Variants in ASB1 observed in about 807,000 individuals in gnomAD.
The protein encoded by ASB1 is ankyrin repeat and SOCS box protein 1.
Under a neutral mutation model 27.7 loss-of-function variants are expected in ASB1, and 18 were observed. The ratio of observed to expected loss-of-function variants is 0.65; its 90% CI spans 0.45 to 0.96. The LOEUF (loss-of-function observed/expected upper bound fraction) is 0.96. Among genes scored for constraint, ASB1 ranks in the 50% least tolerant of loss-of-function variants. The probability of loss-of-function intolerance (pLI) is 0.00; values close to 1 mark genes in which losing one functional copy is unlikely to be tolerated. For synonymous variants in ASB1, 189 were observed against 187.6 expected, an observed-to-expected ratio of 1.01 and a Z score of -0.06; for missense variants, 397 against 451.7, an observed-to-expected ratio of 0.88 and a Z score of 1.10.
At position 238,450,270 on chromosome 2, in the gene ASB1, T is replaced by C. The variant is rs906194038; in HGVS notation, c.*3759T>C. 2 of 152,354 alleles carry C rather than the reference T, an allele frequency of 1.3e-5. No individual in the cohort carries two copies. Among genetic ancestry groups the C allele is most frequent in the East Asian group, 1.9e-4 (1 of 5,182 alleles). The allele number at this position is 152,354 out of a possible 1,614,324, so 9.4% of individuals were successfully genotyped here. On this transcript the variant is annotated 3_prime_UTR_variant, in exon 5 of 5. Coordinates refer to ENST00000264607, the MANE Select transcript of ASB1 (RefSeq NM_001040445.3). ...GAGCGCTCTATGCAGGTGAGGCGTATGAGAACAGCATGGTAAATAATTGAT... is the reference window on the plus strand; with the variant it reads ...GAGCGCTCTATGCAGGTGAGGCGTACGAGAACAGCATGGTAAATAATTGAT...
chr2:238,446,613 G>A lies in ASB1; in HGVS notation c.*102G>A. 6.8e-7 allele frequency: 1 copy of A among 1,460,634 alleles called. No homozygotes were observed. Among genetic ancestry groups the A allele is most frequent in the Non-Finnish European group, 9.5e-7 (1 of 1,055,226 alleles). The allele number at this position is 1,460,634 out of a possible 1,614,324, so 90.5% of individuals were successfully genotyped here. ...TGCTGCTGCTGGTCTCCTGATGGCT[G>A]TTGCTGCAGAAGATGTCCTCGTAGA... On this transcript the variant is annotated 3_prime_UTR_variant, in exon 5 of 5. Coordinates refer to ENST00000264607, the MANE Select transcript of ASB1 (RefSeq NM_001040445.3).
intron 4 of ASB1, 76 bp from the exon 5 acceptor site, chr2:238,446,308 C>T (rs1702178983): frequency 6.7e-7 from 1 of 1,493,450 alleles, no homozygotes; most frequent in African/African-American, 1.4e-5. Context: ...GCTGGCAGTC[C>T]CAGCTGCCTT....
chr2:238,429,646 A>G (rs2106401413), intron 1 of ASB1, among the ~76,000 whole-genome samples: 1 of 152,264 alleles, frequency 6.6e-6, no homozygotes, highest in Admixed American at 6.5e-5. Context: ...TTAAGAGTGT[A>G]ATAGGCCAGG....
chr2:238,434,171 T>G (rs1224421253), intron 2 of ASB1, among the ~76,000 whole-genome samples: 6 of 152,188 alleles, frequency 3.9e-5, no homozygotes, highest in Non-Finnish European at 8.8e-5. Flanking sequence ...CCCTTTTACC[T>G]CATCAGCCTT....
chr2:238,439,200 C>T (rs1362172064), intron 3 of ASB1, among the ~76,000 whole-genome samples: 1 of 152,106 alleles, frequency 6.6e-6, no homozygotes, highest in Non-Finnish European at 1.5e-5. Context: ...AGAATACTTC[C>T]CCTGTCACTC....
intron 3 of ASB1, among the ~76,000 whole-genome samples, chr2:238,438,387 A>T (rs1702014132): frequency 1.3e-5 from 2 of 151,568 alleles, no homozygotes; most frequent in South Asian, 4.2e-4. Context: ...TTTTTAGTTG[A>T]GACAGGGTTT....
Position 238,427,042 on chromosome 2 carries a change from C to G in ASB1, c.-29C>G. The G allele has an allele frequency of 2.4e-6, 3 of 1,257,102 alleles. No individual in the cohort carries two copies. Among genetic ancestry groups the G allele is most frequent in the Admixed American group, 4.1e-5 (1 of 24,120 alleles). The allele number at this position is 1,257,102 out of a possible 1,614,324, so 77.9% of individuals were successfully genotyped here. ...TCCTGCCCGAGGGGCGTGCGCGGGT[C>G]AGGGGCGGCCGCGGAGGCGGAAGCA... On this transcript the variant is annotated 5_prime_UTR_variant, in exon 1 of 5. Transcript: ENST00000264607.
intron 1 of ASB1, 39 bp from the exon 2 acceptor site, chr2:238,433,515 G>GC: frequency 6.2e-7 from 1 of 1,608,840 alleles, no homozygotes; most frequent in South Asian, 1.1e-5. Flanking sequence ...TCTTGGCAGG[G>GC]CCTCCATGAG....
chr2:238,433,816 T>A (rs973976004), intron 2 of ASB1, 121 bp downstream of exon 2: 1 of 1,207,562 alleles, frequency 8.3e-7, no homozygotes, highest in African/African-American at 1.5e-5. Flanking sequence ...GTTCCAGTTT[T>A]AGAGGACGGG....
intron 1 of ASB1, among the ~76,000 whole-genome samples, chr2:238,429,485 C>A (rs1052951178): frequency 6.6e-6 from 1 of 152,140 alleles, no homozygotes; most frequent in South Asian, 2.1e-4. Context: ...GATTGTGATG[C>A]CGGTTTATCA....
chr2:238,436,617 G>T (rs1385169642), intron 3 of ASB1, among the ~76,000 whole-genome samples: 1 of 152,074 alleles, frequency 6.6e-6, no homozygotes, highest in African/African-American at 2.4e-5. Flanking sequence ...TCCTGCCTTA[G>T]CCTCCTTAGT....
In ASB1 at chr2:238,446,810, G is replaced by A. The variant is rs561156925; in HGVS notation, c.*299G>A. 632 of 329,294 alleles carry A rather than the reference G, an allele frequency of 1.9e-3. 4 individuals are homozygous for A. Among genetic ancestry groups the A allele is most frequent in the Non-Finnish European group, 3.0e-3 (539 of 179,548 alleles). 20.4% of individuals were successfully genotyped at this position (329,294 alleles called of 1,614,324 possible). Reference sequence around the variant, plus strand: ...TGTACATGTAGGGGCTGAGGTTGGAGGCCTACTAATTTCCCTGTAGGGAAG... The same window carrying A: ...TGTACATGTAGGGGCTGAGGTTGGAAGCCTACTAATTTCCCTGTAGGGAAG... On this transcript the variant is annotated 3_prime_UTR_variant, in exon 5 of 5. Transcript: ENST00000264607.
At chr2:238,429,250 T>C (rs1701821571) in intron 1 of ASB1, among the ~76,000 whole-genome samples, 1 of 152,188 alleles carries the variant, frequency 6.6e-6, no homozygotes, top group Non-Finnish European at 1.5e-5. Flanking sequence ...TACCTGCCTG[T>C]CTGGTCTCAC....
chr2:238,434,008 G>A (rs1701920480), intron 2 of ASB1, among the ~76,000 whole-genome samples: 1 of 152,172 alleles, frequency 6.6e-6, no homozygotes, highest in Admixed American at 6.5e-5. Context: ...TCCCTCTTCA[G>A]TGGCGGCCCT....
At chr2:238,437,931 GGTT>G (rs760409064) in intron 3 of ASB1, among the ~76,000 whole-genome samples, 4 of 152,156 alleles carry the variant, frequency 2.6e-5, no homozygotes, top group Admixed American at 6.5e-5. Flanking sequence ...AGAGTGGTAA[GGTT>G]GTTATGTTAG....
Position 238,427,024 on chromosome 2 carries a change from C to CGAGGGGCGTGCGCGGGT in ASB1, c.-46_-30dup. ...GTCGCGGGTCGTTCTGCTTCCTGCCCGAGGGGCGTGCGCGGGTCAGGGGCG... is the reference window on the plus strand; with the variant it reads ...GTCGCGGGTCGTTCTGCTTCCTGCCCGAGGGGCGTGCGCGGGTGAGGGGCGTGCGCGGGTCAGGGGCG... On this transcript the variant is annotated 5_prime_UTR_variant, in exon 1 of 5. Transcript: ENST00000264607. The CGAGGGGCGTGCGCGGGT allele has an allele frequency of 1.6e-6, 2 of 1,234,782 alleles. No individual in the cohort carries two copies. Among genetic ancestry groups the CGAGGGGCGTGCGCGGGT allele is most frequent in the African/African-American group, 1.6e-5 (1 of 64,146 alleles). The allele number at this position is 1,234,782 out of a possible 1,614,324, so 76.5% of individuals were successfully genotyped here.
intron 1 of ASB1, chr2:238,427,867 C>A (rs1701791274): frequency 6.6e-6 from 1 of 152,232 alleles, no homozygotes; most frequent in South Asian, 2.1e-4. Flanking sequence ...TCTGGGCTTT[C>A]TTTACATGCC....
intron 1 of ASB1, 76 bp from the exon 2 acceptor site, chr2:238,433,478 C>A: frequency 6.4e-7 from 1 of 1,555,470 alleles, no homozygotes; most frequent in Non-Finnish European, 8.8e-7. Context: ...GGAAGGCTCG[C>A]TGCAGATGGC....
At chr2:238,434,891 C>T (rs1701937118) in intron 2 of ASB1, among the ~76,000 whole-genome samples, 1 of 152,190 alleles carries the variant, frequency 6.6e-6, no homozygotes, top group Non-Finnish European at 1.5e-5. Context: ...GTGATGAGTT[C>T]CTGGAGTGTT....
Sources: gnomAD v4.1 joint callset for allele counts (sites outside exome capture counted in the v4.1 genomes callset) on GRCh38, gnomAD v4.1.1 for gene constraint, MANE v1.5 for transcripts, NCBI Gene and HGNC (gene_info 2026-07-23, HGNC 2026-07-21) for gene names.